The following STARD13 variants were observed in gnomAD, a reference collection of about 807,000 sequenced individuals.
The protein encoded by STARD13 is stAR-related lipid transfer protein 13.
In STARD13, 62 loss-of-function variants were observed where a neutral mutation model predicts 106.4. The observed-to-expected ratio is 0.58, with a 90% CI of 0.48 to 0.72. The LOEUF (loss-of-function observed/expected upper bound fraction) is 0.72, where lower values mean the gene tolerates loss of function less well. Among genes scored for constraint, STARD13 ranks in the 30% least tolerant of loss-of-function variants. The pLI is 0.00. For missense variants in STARD13, 1,387 were observed against 1,424.0 expected (o/e 0.97, Z 0.42); for synonymous variants, 565 against 553.0 (o/e 1.02, Z -0.31).
At chr13:33,389,248 G>A in the STARD13 span, among the ~76,000 whole-genome samples, 1 of 151,968 alleles carries the variant, frequency 6.6e-6, no homozygotes, top group Non-Finnish European at 1.5e-5. Flanking sequence ...TTGAGCCACC[G>A]CACCCAGCCT....
chr13:33,586,290 T>C, the STARD13 span, among the ~76,000 whole-genome samples: 1 of 152,116 alleles, frequency 6.6e-6, no homozygotes, highest in Non-Finnish European at 1.5e-5. Flanking sequence ...ATCCTGAGAC[T>C]CCAAAACCAG....
chr13:33,478,860 G>A, the STARD13 span, among the ~76,000 whole-genome samples: 1 of 152,190 alleles, frequency 6.6e-6, no homozygotes, highest in Non-Finnish European at 1.5e-5. Flanking sequence ...AGGCTGCAGT[G>A]AGATGTAACC....
At chr13:33,191,134 G>T (rs143807574) in intron 1 of STARD13, among the ~76,000 whole-genome samples, 179 of 152,252 alleles carry the variant, frequency 1.2e-3, no homozygotes, top group African/African-American at 3.9e-3. Context: ...TATATACGCG[G>T]TTTTCAGCTT....
chr13:33,364,048 G>GA, the STARD13 span, among the ~76,000 whole-genome samples: 1 of 152,186 alleles, frequency 6.6e-6, no homozygotes, highest in African/African-American at 2.4e-5. Context: ...CATTATGGGT[G>GA]AATGTGATGA....
intron 1 of STARD13, among the ~76,000 whole-genome samples, chr13:33,291,813 A>G (rs935023540): frequency 1.6e-4 from 25 of 152,234 alleles, no homozygotes; most frequent in African/African-American, 5.1e-4. Flanking sequence ...CATATATTAG[A>G]TCATATATAT....
At chr13:33,117,882 A>G in intron 8 of STARD13, 183 bp downstream of exon 8, 1 of 985,402 alleles carries the variant, frequency 1.0e-6, no homozygotes, top group Non-Finnish European at 1.2e-6. Context: ...GCATAAAAAA[A>G]TGGCTTGTGG....
the STARD13 span, among the ~76,000 whole-genome samples, chr13:33,466,583 T>G: frequency 1.7e-4 from 26 of 152,338 alleles, no homozygotes; most frequent in East Asian, 3.7e-3. Context: ...ACTTACATCC[T>G]CAATATTACA....
At chr13:33,174,290 T>C (rs1884289216) in intron 1 of STARD13, among the ~76,000 whole-genome samples, 1 of 152,158 alleles carries the variant, frequency 6.6e-6, no homozygotes, top group Non-Finnish European at 1.5e-5. Flanking sequence ...ATATATACTA[T>C]ATAGTCACAC....
At chr13:33,278,849 C>A (rs932240098) in intron 1 of STARD13, among the ~76,000 whole-genome samples, 1 of 152,166 alleles carries the variant, frequency 6.6e-6, no homozygotes, top group Non-Finnish European at 1.5e-5. Context: ...GCCAACATTT[C>A]TCTTTTCATC....
intron 4 of STARD13, among the ~76,000 whole-genome samples, chr13:33,133,247 G>A (rs913986113): frequency 6.6e-6 from 1 of 152,170 alleles, no homozygotes; most frequent in African/African-American, 2.4e-5. Flanking sequence ...CTGTGGCCTG[G>A]GAAGGGAAAG....
the STARD13 span, among the ~76,000 whole-genome samples, chr13:33,659,443 T>C: frequency 6.6e-6 from 1 of 152,190 alleles, no homozygotes; most frequent in East Asian, 1.9e-4. Flanking sequence ...CTCAATCTCC[T>C]GACCTCGTGA....
chr13:33,380,625 G>T, the STARD13 span, among the ~76,000 whole-genome samples: 1 of 151,998 alleles, frequency 6.6e-6, no homozygotes, highest in African/African-American at 2.4e-5. Context: ...GGCAGGAGAG[G>T]ATCTGGTAAA....
the STARD13 span, among the ~76,000 whole-genome samples, chr13:33,662,477 C>T: frequency 1.9e-3 from 283 of 152,274 alleles, no homozygotes; most frequent in Non-Finnish European, 2.2e-3. Context: ...TCCCAAACAG[C>T]CTTGTTGGAG....
chr13:33,614,627 A>T, the STARD13 span, among the ~76,000 whole-genome samples: 1 of 152,240 alleles, frequency 6.6e-6, no homozygotes, highest in South Asian at 2.1e-4. Context: ...CATGAAAAAA[A>T]CAAAACAAAA....
the STARD13 span, among the ~76,000 whole-genome samples, chr13:33,574,146 A>C: frequency 6.6e-6 from 1 of 152,282 alleles, no homozygotes; most frequent in Non-Finnish European, 1.5e-5. Context: ...GGAGCTGCGG[A>C]TGTGTCTTGC....
At chr13:33,602,128 G>C in the STARD13 span, among the ~76,000 whole-genome samples, 1 of 133,718 alleles carries the variant, frequency 7.5e-6, no homozygotes, top group Non-Finnish European at 1.6e-5. Flanking sequence ...TTTTGCTCTT[G>C]TCGCCCAGGC....
At chr13:33,350,334 G>T in exon 1 of STARD13, 1 of 1,534,602 alleles carries the variant, frequency 6.5e-7, no homozygotes, top group Non-Finnish European at 8.7e-7. Flanking sequence ...CAGATCCCAG[G>T]CTCTGGCCGT....
chr13:33,208,970 G>A lies in STARD13; in HGVS notation c.170-41348C>T, dbSNP rs186227374. Among the ~76,000 whole-genome samples, 69 of 152,286 alleles carry A rather than the reference G, an allele frequency of 4.5e-4. 1 individual carries two copies. Among genetic ancestry groups the A allele is most frequent in the African/African-American group, 1.3e-3 (52 of 41,552 alleles). ...CACATAGTGAAATACTTTTGCAGCC[G>A]TTTAAAATACACACACAGCTACAAG... On this transcript the variant is annotated intron_variant, in intron 1 of 13. Coordinates refer to ENST00000336934, the MANE Select transcript of STARD13 (RefSeq NM_178006.4).
chr13:33,596,945 C>T, the STARD13 span, among the ~76,000 whole-genome samples: 1 of 152,106 alleles, frequency 6.6e-6, no homozygotes, highest in Non-Finnish European at 1.5e-5. Flanking sequence ...CATTGATGAA[C>T]ACTTAGGTTG....
Sources: allele counts gnomAD v4.1 joint callset (sites outside exome capture counted in the v4.1 genomes callset), GRCh38; gene constraint gnomAD v4.1.1; transcripts MANE v1.5; gene names NCBI Gene and HGNC (gene_info 2026-07-23, HGNC 2026-07-21).